The following PTPRD variants were observed in gnomAD, a reference collection of about 807,000 sequenced individuals.
PTPRD encodes protein tyrosine phosphatase receptor type D, also known as receptor-type tyrosine-protein phosphatase delta.
Under a neutral mutation model 214.5 loss-of-function variants are expected in PTPRD, and 34 were observed. That is an observed-to-expected ratio of 0.16 (90% CI 0.12 to 0.21). The LOEUF is 0.21. PTPRD is among the 10% of genes least tolerant of loss of function. PTPRD has a pLI of 1.00. For synonymous variants in PTPRD, 1,128 were observed against 845.7 expected (o/e 1.33, Z -5.79); for missense variants, 2,545 against 2,398.7 (o/e 1.06, Z -1.27).
chr9:10,056,279 C>T (rs1324414431), intron 3 of PTPRD, among the ~76,000 whole-genome samples: 1 of 151,404 alleles, frequency 6.6e-6, no homozygotes, highest in African/African-American at 2.4e-5. Context: ...TGAGATCACG[C>T]CACTGCATTC....
intron 27 of PTPRD, among the ~76,000 whole-genome samples, chr9:8,491,539 T>C (rs942966124): frequency 1.3e-5 from 2 of 152,088 alleles, no homozygotes; most frequent in African/African-American, 2.4e-5. Flanking sequence ...TTCAATTCTT[T>C]GTTGTTGACG....
intron 3 of PTPRD, among the ~76,000 whole-genome samples, chr9:10,101,320 A>G (rs1385514855): frequency 6.6e-6 from 1 of 151,730 alleles, no homozygotes; most frequent in Non-Finnish European, 1.5e-5. Flanking sequence ...CCTCAAGCAG[A>G]TAAAATGCAA....
chr9:9,582,299 G>T (rs1400479202), intron 7 of PTPRD, among the ~76,000 whole-genome samples: 1 of 152,048 alleles, frequency 6.6e-6, no homozygotes, highest in Non-Finnish European at 1.5e-5. Context: ...ATGTTAAGAG[G>T]CATGTTCCTC....
At chr9:10,404,158 A>G (rs183057185) in intron 2 of PTPRD, among the ~76,000 whole-genome samples, 1 of 151,924 alleles carries the variant, frequency 6.6e-6, no homozygotes, top group African/African-American at 2.4e-5. Context: ...TGAAAACAAT[A>G]AAGTTGACAA....
rs538413501 is a variant in PTPRD at position 10,286,061 on chromosome 9, A to G, written c.-545+54902T>C. Reference sequence around the variant, plus strand: ...AATAAGGGTATATATGTGTATGTATATGCATGTATGTTTGTGTTAAATATA... The same window carrying G: ...AATAAGGGTATATATGTGTATGTATGTGCATGTATGTTTGTGTTAAATATA... On this transcript the variant is annotated intron_variant, in intron 3 of 45. Transcript: ENST00000381196. 1.1e-4 allele frequency among the ~76,000 whole-genome samples: 17 copies of G among 152,292 alleles called. No homozygotes were observed. In the South Asian group the frequency reaches 2.1e-3, roughly 19 times the overall value.
intron 35 of PTPRD, among the ~76,000 whole-genome samples, chr9:8,433,538 G>A (rs960892631): frequency 6.6e-6 from 1 of 152,206 alleles, no homozygotes; most frequent in East Asian, 1.9e-4. Flanking sequence ...CGTGAAGGCA[G>A]AAGACAGTGA....
intron 5 of PTPRD, among the ~76,000 whole-genome samples, chr9:9,859,902 T>C (rs902945320): frequency 6.6e-6 from 1 of 152,212 alleles, no homozygotes; most frequent in African/African-American, 2.4e-5. Context: ...TACCTATTTA[T>C]AGTCAACAGT....
intron 3 of PTPRD, among the ~76,000 whole-genome samples, chr9:10,269,180 G>C (rs774876837): frequency 2.0e-5 from 3 of 151,514 alleles, no homozygotes; most frequent in Non-Finnish European, 2.9e-5. Flanking sequence ...AACACTCCAG[G>C]AAAAAAAATG....
chr9:10,540,238 G>A (rs969494592), intron 2 of PTPRD, among the ~76,000 whole-genome samples: 2 of 152,132 alleles, frequency 1.3e-5, no homozygotes, highest in African/African-American at 4.8e-5. Context: ...ATGCTGGCCA[G>A]ACTGGTCTCA....
Position 10,007,746 on chromosome 9 carries a change from A to G in PTPRD, c.-472+25972T>C, listed in dbSNP as rs1301985826. ...AAATAAAATTGTGAATAGCTTCAGCATTTAAAAAAATATATATTTAAAATA... is the reference window on the plus strand; with the variant it reads ...AAATAAAATTGTGAATAGCTTCAGCGTTTAAAAAAATATATATTTAAAATA... On this transcript the variant is annotated intron_variant, in intron 4 of 45. Transcript: ENST00000381196. Among the ~76,000 whole-genome samples, 5 of 152,174 alleles carry G rather than the reference A, an allele frequency of 3.3e-5. No homozygotes were observed. The South Asian group carries it at 1.0e-3, about 32-fold the overall frequency.
chr9:10,266,251 A>G (rs1384383183), intron 3 of PTPRD, among the ~76,000 whole-genome samples: 1 of 152,168 alleles, frequency 6.6e-6, no homozygotes, highest in Non-Finnish European at 1.5e-5. Context: ...CAATGTAAGG[A>G]GTGTTAAGAA....
chr9:8,653,775 G>C (rs376948937), intron 12 of PTPRD, among the ~76,000 whole-genome samples: 3 of 152,136 alleles, frequency 2.0e-5, no homozygotes, highest in East Asian at 1.9e-4. Flanking sequence ...ACATGAACTT[G>C]ATGGCAAGTC....
intron 5 of PTPRD, among the ~76,000 whole-genome samples, chr9:9,938,212 G>T (rs752567089): frequency 2.0e-5 from 3 of 152,088 alleles, no homozygotes; most frequent in Non-Finnish European, 4.4e-5. Flanking sequence ...GTCTTATGAG[G>T]TTCTAGCATT....
intron 3 of PTPRD, among the ~76,000 whole-genome samples, chr9:10,330,923 T>C (rs532474135): frequency 2.6e-5 from 4 of 151,990 alleles, no homozygotes; most frequent in African/African-American, 7.2e-5. Context: ...ATACCATCAA[T>C]ATTGGTGGTG....
chr9:8,588,266 A>C (rs921934926), intron 14 of PTPRD, among the ~76,000 whole-genome samples: 1 of 152,234 alleles, frequency 6.6e-6, no homozygotes, highest in African/African-American at 2.4e-5. Flanking sequence ...CATACAAATT[A>C]GGCTAGCCAC....
intron 2 of PTPRD, among the ~76,000 whole-genome samples, chr9:10,517,573 A>T (rs1283484705): frequency 6.6e-6 from 1 of 152,034 alleles, no homozygotes; most frequent in African/African-American, 2.4e-5. Context: ...ATTTTGTCCA[A>T]TGTAATTTTC....
chr9:8,919,275 C>T (rs182717599), intron 11 of PTPRD, among the ~76,000 whole-genome samples: 56 of 152,008 alleles, frequency 3.7e-4, no homozygotes, highest in South Asian at 1.3e-3. Context: ...CACCTGTAGT[C>T]CCAGTGACTA....
chr9:9,979,721 A>C (rs1185818958), intron 4 of PTPRD, among the ~76,000 whole-genome samples: 1 of 152,204 alleles, frequency 6.6e-6, no homozygotes, highest in Non-Finnish European at 1.5e-5. Context: ...TTCTGACTAA[A>C]GATTGCAACG....
chr9:10,163,895 T>C (rs1304344717), intron 3 of PTPRD, among the ~76,000 whole-genome samples: 3 of 151,532 alleles, frequency 2.0e-5, no homozygotes, highest in Non-Finnish European at 3.0e-5. Context: ...TTTTCATAAC[T>C]TGAATAGTCC....
Sources: gnomAD v4.1 joint callset for allele counts (sites outside exome capture counted in the v4.1 genomes callset) on GRCh38, gnomAD v4.1.1 for gene constraint, MANE v1.5 for transcripts, NCBI Gene and HGNC (gene_info 2026-07-23, HGNC 2026-07-21) for gene names.